The following NUP54 variants were observed in gnomAD, a reference collection of about 807,000 sequenced individuals.
NUP54 encodes the protein nucleoporin p54.
In NUP54, 27 loss-of-function variants were observed where a neutral mutation model predicts 66.4. The ratio of observed to expected loss-of-function variants is 0.41; its 90% confidence interval spans 0.30 to 0.56. The LOEUF (loss-of-function observed/expected upper bound fraction) is 0.56, where lower values mean the gene tolerates loss of function less well. Ranked by LOEUF, NUP54 falls within the 20% of genes least tolerant of loss-of-function variation. NUP54 has a pLI of 0.34. For missense variants in NUP54, 486 were observed against 596.3 expected (o/e 0.82, Z 1.93); for synonymous variants, 206 against 210.7 (o/e 0.98, Z 0.19).
intron 1 of NUP54, chr4:76,147,956 T>C (rs996980455): frequency 7.7e-5 from 25 of 322,740 alleles, no homozygotes; most frequent in Middle Eastern, 8.5e-4. Flanking sequence ...TTCCCGCCCA[T>C]CCAGGAGGCT....
intron 10 of NUP54, 76 bp downstream of exon 10, chr4:76,117,999 C>A: frequency 6.9e-7 from 1 of 1,457,342 alleles, no homozygotes; most frequent in Non-Finnish European, 9.5e-7. Context: ...AAAATTCCTG[C>A]TTGAAGATTA....
At chr4:76,135,528 T>C (rs760872703) in intron 4 of NUP54, among the ~76,000 whole-genome samples, 31 of 152,218 alleles carry the variant, frequency 2.0e-4, no homozygotes, top group Non-Finnish European at 4.0e-4. Flanking sequence ...GACCACTTTA[T>C]TCAAGGATCT....
chr4:76,147,405 C>A, intron 1 of NUP54: 1 of 1,046,448 alleles, frequency 9.6e-7, no homozygotes, highest in Non-Finnish European at 1.2e-6. Context: ...TGTTCTTTCC[C>A]AAACTCCAGG....
intron 1 of NUP54, chr4:76,145,534 G>A (rs1731461802): frequency 1.6e-6 from 2 of 1,231,928 alleles, no homozygotes; most frequent in Non-Finnish European, 1.0e-6. Flanking sequence ...CTTTTCAAAG[G>A]AAGCATACCA....
chr4:76,133,057 T>C (rs28580818), intron 5 of NUP54, among the ~76,000 whole-genome samples: 22,417 of 149,178 alleles, frequency 0.15, 2,122 homozygotes, highest in East Asian at 0.36. Context: ...GATATATATA[T>C]ATATATATTT....
Position 76,145,761 on chromosome 4 carries a change from C to G in NUP54, c.68-1288G>C, listed in dbSNP as rs73826333. ...AGATTTTTTGGAATCTTCCTTTAAT[C>G]TCATTTATTTCTGGTATACAACACA... On this transcript the variant is annotated intron_variant, in intron 1 of 11. Transcript: ENST00000264883. The G allele has an allele frequency of 7.1e-3, 1,958 of 275,394 alleles. 44 individuals are homozygous for G. Among genetic ancestry groups the G allele is most frequent in the African/African-American group, 0.042 (1,821 of 43,202 alleles). 17.1% of individuals were successfully genotyped at this position (275,394 alleles called of 1,614,324 possible). A position where few individuals can be genotyped will look rare whatever the true frequency, so the allele number is the denominator to read the frequency against.
At chr4:76,143,992 T>C (rs957253576) in intron 3 of NUP54, 157 bp downstream of exon 3, 26 of 719,270 alleles carry the variant, frequency 3.6e-5, no homozygotes, top group African/African-American at 5.4e-5. Context: ...TTCTCCCCAG[T>C]TGCTATCATA....
intron 3 of NUP54, among the ~76,000 whole-genome samples, chr4:76,137,235 C>A (rs144590855): frequency 6.6e-6 from 1 of 152,034 alleles, no homozygotes; most frequent in Non-Finnish European, 1.5e-5. Context: ...TGAGCTCAAG[C>A]GACTCTCCTG....
chr4:76,139,657 G>A (rs1331392751), intron 3 of NUP54, among the ~76,000 whole-genome samples: 1 of 152,124 alleles, frequency 6.6e-6, no homozygotes, highest in Non-Finnish European at 1.5e-5. Flanking sequence ...GGTTATAGAT[G>A]GGGTATTAGA....
intron 9 of NUP54, among the ~76,000 whole-genome samples, chr4:76,122,932 T>A (rs1730297480): frequency 6.6e-6 from 1 of 152,182 alleles, no homozygotes; most frequent in African/African-American, 2.4e-5. Flanking sequence ...TTTGAAAACA[T>A]TATGCTAAGT....
At chr4:76,138,125 A>C (rs1292390030) in intron 3 of NUP54, among the ~76,000 whole-genome samples, 1 of 152,328 alleles carries the variant, frequency 6.6e-6, no homozygotes, top group Admixed American at 6.5e-5. Flanking sequence ...TACTCTCCAG[A>C]AAAGTATTAA....
chr4:76,136,018 T>C (rs867542520), intron 4 of NUP54, among the ~76,000 whole-genome samples, 168 bp downstream of exon 4: 28 of 152,336 alleles, frequency 1.8e-4, no homozygotes, highest in Middle Eastern at 6.8e-3. Context: ...ACCACACATA[T>C]GTATGAAATC....
intron 3 of NUP54, 39 bp downstream of exon 3, chr4:76,144,110 T>C: frequency 5.6e-6 from 9 of 1,607,484 alleles, no homozygotes; most frequent in Non-Finnish European, 7.7e-6. Flanking sequence ...GCTAGTATCA[T>C]CACGGTTTTG....
intron 3 of NUP54, among the ~76,000 whole-genome samples, chr4:76,143,534 G>A (rs72870920): frequency 0.16 from 24,321 of 152,146 alleles, 3,020 homozygotes; most frequent in African/African-American, 0.34. Flanking sequence ...AACCTGGGAG[G>A]CGGAGGTTGC....
At chr4:76,134,095 G>T in intron 5 of NUP54, 80 bp downstream of exon 5, 1 of 960,086 alleles carries the variant, frequency 1.0e-6, no homozygotes, top group Non-Finnish European at 1.5e-6. Flanking sequence ...TTGTGCTTTA[G>T]CAACAAAAAC....
rs112565175 is a variant in NUP54, at chr4:76,148,101, G to A, written c.67+207C>T. 2.4e-3 allele frequency: 1,012 copies of A among 426,406 alleles called. 4 individuals carry two copies. Among genetic ancestry groups the A allele is most frequent in the Non-Finnish European group, 3.4e-3 (820 of 240,830 alleles). The allele number at this position is 426,406 out of a possible 1,614,324, so 26.4% of individuals were successfully genotyped here. On this transcript the variant is annotated intron_variant, in intron 1 of 11. Transcript: ENST00000264883. Reference sequence around the variant, plus strand: ...CTGTGGAAACTCACGCGCGGCAAGCGAGCTTCTAGTGGGACCCCGAGTACC... The same window carrying A: ...CTGTGGAAACTCACGCGCGGCAAGCAAGCTTCTAGTGGGACCCCGAGTACC...
intron 1 of NUP54, chr4:76,146,157 CAAGA>C (rs1182225504): frequency 1.4e-5 from 6 of 440,710 alleles, no homozygotes; most frequent in African/African-American, 6.1e-5. Flanking sequence ...AAAAAGTAAA[CAAGA>C]AAGTCTATCA....
chr4:76,144,508 T>C (rs1456158481), intron 1 of NUP54, 35 bp from the exon 2 acceptor site: 1 of 1,504,386 alleles, frequency 6.6e-7, no homozygotes, highest in South Asian at 1.3e-5. Flanking sequence ...AAAGGAAGAA[T>C]CTTTTGTATA....
At chr4:76,129,886 AAACCTTAGC>A (rs1391767729) in intron 8 of NUP54, among the ~76,000 whole-genome samples, 2 of 108,604 alleles carry the variant, frequency 1.8e-5, no homozygotes, top group Non-Finnish European at 4.1e-5. Flanking sequence ...AAAAAAAAAA[AAACCTTAGC>A]AAAGTTAAAA....
Sources: allele counts gnomAD v4.1 joint callset (sites outside exome capture counted in the v4.1 genomes callset), GRCh38; gene constraint gnomAD v4.1.1; transcripts MANE v1.5; gene names NCBI Gene and HGNC (gene_info 2026-07-23, HGNC 2026-07-21).